The following UBE2L3 variants were observed in gnomAD, a reference collection of about 807,000 sequenced individuals.
UBE2L3 encodes ubiquitin conjugating enzyme E2 L3.
UBE2L3 carries 1 observed loss-of-function variant against 17.8 expected under a neutral mutation model. The observed-to-expected ratio is 0.06, with a 90% CI of 0.02 to 0.27. The LOEUF is 0.27. Ranked by LOEUF, UBE2L3 falls within the 10% of genes least tolerant of loss-of-function variation. The probability of loss-of-function intolerance (pLI) is 1.00; values close to 1 mark genes in which losing one functional copy is unlikely to be tolerated. For missense variants in UBE2L3, 40 were observed against 192.6 expected (o/e 0.21, Z 4.69); for synonymous variants, 44 against 68.5 (o/e 0.64, Z 1.76).
At chr22:21,620,527 CA>C (rs1032294004) in intron 3 of UBE2L3, among the ~76,000 whole-genome samples, 2 of 152,090 alleles carry the variant, frequency 1.3e-5, no homozygotes, top group East Asian at 1.9e-4. Flanking sequence ...CTGACAGGGT[CA>C]GGGGGCAACT....
chr22:21,608,693 G>A (rs1469471184), intron 2 of UBE2L3, among the ~76,000 whole-genome samples: 3 of 151,446 alleles, frequency 2.0e-5, no homozygotes, highest in Non-Finnish European at 4.4e-5. Flanking sequence ...CCAAAGTGCT[G>A]GGATTACAGG....
Position 21,613,513 on chromosome 22 carries a change from A to G in UBE2L3, c.310+2470A>G, listed in dbSNP as rs1601440990. 2.0e-5 allele frequency among the ~76,000 whole-genome samples: 3 copies of G among 152,268 alleles called. No individual in the cohort carries two copies. In the South Asian group the frequency reaches 6.2e-4, roughly 32 times the overall value. ...GAGGATTCCTTCCTAGAACATTATTATGTAGATTGTTTGTGGCATGGCCTT... is the reference window on the plus strand; with the variant it reads ...GAGGATTCCTTCCTAGAACATTATTGTGTAGATTGTTTGTGGCATGGCCTT... On this transcript the variant is annotated intron_variant, in intron 3 of 3. Transcript: ENST00000342192.
chr22:21,566,700 T>TG (rs1926653526), upstream of UBE2L3, among the ~76,000 whole-genome samples: 1 of 152,154 alleles, frequency 6.6e-6, no homozygotes, highest in Admixed American at 6.6e-5. Flanking sequence ...CTCCATGGTC[T>TG]GTCCCCTGCC....
chr22:21,572,824 T>G (rs554504516), intron 1 of UBE2L3, among the ~76,000 whole-genome samples: 40 of 152,184 alleles, frequency 2.6e-4, no homozygotes, highest in Middle Eastern at 3.4e-3. Flanking sequence ...ATGCATCTCC[T>G]CCTGTCCCAC....
chr22:21,610,791 C>T (rs1422365002), intron 2 of UBE2L3, 66 bp from the exon 3 acceptor site: 3 of 1,422,848 alleles, frequency 2.1e-6, no homozygotes, highest in African/African-American at 2.9e-5. Flanking sequence ...ACAATTAAAA[C>T]ATTCCTGTCT....
rs559842598 is a variant in UBE2L3, at chr22:21,616,240, T to C, written c.310+5197T>C. ...GCACTACAGATAAAATTCAGCTGTATATGGGATGCTCAGACTAGGGTGGAT... is the reference window on the plus strand; with the variant it reads ...GCACTACAGATAAAATTCAGCTGTACATGGGATGCTCAGACTAGGGTGGAT... On this transcript the variant is annotated intron_variant, in intron 3 of 3. Coordinates refer to ENST00000342192, the MANE Select transcript of UBE2L3 (RefSeq NM_003347.4). Among the ~76,000 whole-genome samples the C allele has an allele frequency of 2.6e-5, 4 of 152,298 alleles. No homozygotes were observed. In the South Asian group the frequency reaches 8.3e-4, roughly 32 times the overall value.
At chr22:21,559,508 T>C (rs887518468) in intron 1 of UBE2L3, among the ~76,000 whole-genome samples, 3 of 152,060 alleles carry the variant, frequency 2.0e-5, no homozygotes, top group African/African-American at 7.3e-5. Context: ...CTTGGGCGAG[T>C]GCTCTGGGTG....
At chr22:21,589,687 T>C (rs1928154124) in intron 1 of UBE2L3, among the ~76,000 whole-genome samples, 2 of 152,200 alleles carry the variant, frequency 1.3e-5, no homozygotes, top group South Asian at 4.1e-4. Flanking sequence ...CTTTCTACTA[T>C]GGTATGCTCA....
In UBE2L3 at chr22:21,554,325, C is replaced by T. The variant is rs2148387063; in HGVS notation, c.201+4675C>T. 4.3e-5 allele frequency among the ~76,000 whole-genome samples: 2 copies of T among 46,974 alleles called. 1 individual carries two copies. Among genetic ancestry groups the T allele is most frequent in the Admixed American group, 3.4e-4 (2 of 5,840 alleles). The allele number at this position is 46,974 out of a possible 152,430, so 30.8% of individuals were successfully genotyped here. A position where few individuals can be genotyped will look rare whatever the true frequency, so the allele number is the denominator to read the frequency against. On this transcript the variant is annotated intron_variant, in intron 1 of 3. Transcript: ENST00000458578. ...CAGCCTGGGCGACAGAGCAAGACTC[C>T]ATCTCAAAAATAAAAATTAAAATTA...
At chr22:21,584,956 AAAAC>A (rs759097352) in intron 1 of UBE2L3, among the ~76,000 whole-genome samples, 8 of 152,302 alleles carry the variant, frequency 5.3e-5, no homozygotes, top group East Asian at 1.9e-4. Context: ...ACTCCGTCTC[AAAAC>A]AAACAAACAA....
At chr22:21,597,647 C>G (rs749573048) in intron 2 of UBE2L3, among the ~76,000 whole-genome samples, 1 of 151,808 alleles carries the variant, frequency 6.6e-6, no homozygotes, top group Non-Finnish European at 1.5e-5. Context: ...ATTTTGTTGC[C>G]TATACTTTGG....
chr22:21,564,603 C>T (rs997654190), upstream of UBE2L3, among the ~76,000 whole-genome samples: 1 of 152,126 alleles, frequency 6.6e-6, no homozygotes, highest in African/African-American at 2.4e-5. Flanking sequence ...TTGCAGGCAG[C>T]GGTGAGGATG....
Position 21,616,349 on chromosome 22 carries a change from T to G in UBE2L3, c.311-5166T>G, listed in dbSNP as rs1245972613. Among the ~76,000 whole-genome samples, 7 of 152,174 alleles carry G rather than the reference T, an allele frequency of 4.6e-5. 1 individual carries two copies. The South Asian group carries it at 6.2e-4, about 14-fold the overall frequency. Reference sequence around the variant, plus strand: ...GACTACTGAGAGTGGGTTTTCTTTTTGGGGGATGAAAATGTTCCAGGCTGG... The same window carrying G: ...GACTACTGAGAGTGGGTTTTCTTTTGGGGGGATGAAAATGTTCCAGGCTGG... On this transcript the variant is annotated intron_variant, in intron 3 of 3. Coordinates refer to ENST00000342192, the MANE Select transcript of UBE2L3 (RefSeq NM_003347.4).
intron 1 of UBE2L3, among the ~76,000 whole-genome samples, chr22:21,590,300 C>T (rs1050816666): frequency 2.0e-5 from 3 of 152,140 alleles, no homozygotes; most frequent in Admixed American, 6.6e-5. Context: ...CGGGTTCGAG[C>T]GATTCTCCTG....
At chr22:21,578,153 C>T (rs766666255) in intron 1 of UBE2L3, among the ~76,000 whole-genome samples, 5 of 151,826 alleles carry the variant, frequency 3.3e-5, no homozygotes, top group Admixed American at 1.3e-4. Context: ...GTCAAGAGAT[C>T]GAGACCATCC....
chr22:21,601,802 TCTA>T (rs1295259651), intron 2 of UBE2L3, among the ~76,000 whole-genome samples: 1 of 151,276 alleles, frequency 6.6e-6, no homozygotes, highest in African/African-American at 2.4e-5. Context: ...AAACCCTGTC[TCTA>T]CTAAAAATAC....
chr22:21,612,695 G>A (rs1280447441), intron 3 of UBE2L3, among the ~76,000 whole-genome samples: 5 of 126,306 alleles, frequency 4.0e-5, no homozygotes, highest in South Asian at 2.7e-4. Flanking sequence ...CCAGGCTGGA[G>A]TGCAGTGATG....
At chr22:21,592,438 G>A (rs192016320) in intron 1 of UBE2L3, among the ~76,000 whole-genome samples, 167 of 151,864 alleles carry the variant, frequency 1.1e-3, no homozygotes, top group African/African-American at 3.4e-3. Context: ...CTCAGCATCC[G>A]GTGCATAATC....
chr22:21,569,010 C>G (rs1324646886), intron 1 of UBE2L3, among the ~76,000 whole-genome samples: 1 of 152,160 alleles, frequency 6.6e-6, no homozygotes, highest in Admixed American at 6.6e-5. Context: ...CCACCATTCA[C>G]CAGATAAGGG....
Sources: allele counts gnomAD v4.1 joint callset (sites outside exome capture counted in the v4.1 genomes callset), GRCh38; gene constraint gnomAD v4.1.1; transcripts MANE v1.5; gene names NCBI Gene and HGNC (gene_info 2026-07-23, HGNC 2026-07-21).